Variants in FCHSD2 observed in about 807,000 individuals in gnomAD.
FCHSD2 encodes F-BAR and double SH3 domains protein 2.
In FCHSD2, 38 loss-of-function variants were observed where a neutral mutation model predicts 108.1. The observed-to-expected ratio is 0.35, with a 90% CI of 0.27 to 0.46. The LOEUF is 0.46. FCHSD2 is among the 20% of genes least tolerant of loss of function. The pLI, the probability that FCHSD2 is intolerant of heterozygous loss-of-function variation, is 1.00. For synonymous variants in FCHSD2, 279 were observed against 314.7 expected, an observed-to-expected ratio of 0.89 and a Z score of 1.20; for missense variants, 751 against 897.8, an observed-to-expected ratio of 0.84 and a Z score of 2.09.
At chr11:73,002,914 A>G (rs187367473) in intron 4 of FCHSD2, among the ~76,000 whole-genome samples, 3 of 152,346 alleles carry the variant, frequency 2.0e-5, no homozygotes, top group Non-Finnish European at 4.4e-5. Context: ...CTATAGTGAA[A>G]GCTCCATGAA....
chr11:72,904,817 T>G (rs1274364915), intron 9 of FCHSD2, among the ~76,000 whole-genome samples: 1 of 152,222 alleles, frequency 6.6e-6, no homozygotes, highest in Non-Finnish European at 1.5e-5. Context: ...TCCTCCCTCT[T>G]GCAATTTAAT....
chr11:72,896,045 T>C (rs1452511582), intron 10 of FCHSD2, among the ~76,000 whole-genome samples: 3 of 152,206 alleles, frequency 2.0e-5, no homozygotes, highest in Non-Finnish European at 2.9e-5. Flanking sequence ...TTTTAATAGA[T>C]GCATAAATCA....
intron 3 of FCHSD2, among the ~76,000 whole-genome samples, chr11:73,039,873 TC>T (rs1858592089): frequency 6.6e-6 from 1 of 152,104 alleles, no homozygotes; most frequent in Non-Finnish European, 1.5e-5. Context: ...CGAATGCAAA[TC>T]ATTTTGAAGT....
intron 2 of FCHSD2, among the ~76,000 whole-genome samples, chr11:73,122,430 T>C (rs1256807414): frequency 6.6e-6 from 1 of 152,196 alleles, no homozygotes; most frequent in Non-Finnish European, 1.5e-5. Context: ...ATCCCCTCAG[T>C]GGCAGACTGC....
At chr11:73,086,157 C>T (rs189590133) in intron 2 of FCHSD2, among the ~76,000 whole-genome samples, 51 of 152,314 alleles carry the variant, frequency 3.3e-4, no homozygotes, top group Non-Finnish European at 5.7e-4. Flanking sequence ...CCTGTAATCC[C>T]AGCACTTTTG....
intron 8 of FCHSD2, among the ~76,000 whole-genome samples, chr11:72,961,219 C>T (rs966269677): frequency 6.6e-6 from 1 of 152,014 alleles, no homozygotes; most frequent in African/African-American, 2.4e-5. Flanking sequence ...AATTGTATTT[C>T]TCTGTATTTA....
At chr11:73,005,922 TTA>T (rs1555072812) in intron 4 of FCHSD2, among the ~76,000 whole-genome samples, 3 of 150,288 alleles carry the variant, frequency 2.0e-5, no homozygotes, top group African/African-American at 7.4e-5. Flanking sequence ...TTTTTTTTTT[TTA>T]AAGAGGCAGG....
At chr11:72,992,823 A>AAT (rs957901048) in intron 5 of FCHSD2, among the ~76,000 whole-genome samples, 39 of 150,782 alleles carry the variant, frequency 2.6e-4, no homozygotes, top group Non-Finnish European at 5.5e-4. Flanking sequence ...AAAGCTAGGC[A>AAT]ATACCATTCA....
intron 3 of FCHSD2, among the ~76,000 whole-genome samples, chr11:73,016,252 G>T (rs1048871902): frequency 1.3e-5 from 2 of 150,642 alleles, no homozygotes; most frequent in Non-Finnish European, 2.9e-5. Flanking sequence ...GCAGTGAGCC[G>T]AGACTGGGCC....
chr11:72,929,185 G>A (rs1364372293), intron 8 of FCHSD2, among the ~76,000 whole-genome samples: 1 of 152,164 alleles, frequency 6.6e-6, no homozygotes. Context: ...ATAAACATAC[G>A]TGTGCGTGTG....
intron 8 of FCHSD2, among the ~76,000 whole-genome samples, chr11:72,944,350 C>T (rs992633325): frequency 5.3e-5 from 8 of 152,110 alleles, no homozygotes; most frequent in Admixed American, 2.6e-4. Flanking sequence ...AATTCAACAA[C>T]GCTTCATTCT....
chr11:72,891,684 T>G (rs971622836), intron 10 of FCHSD2, among the ~76,000 whole-genome samples: 1 of 152,240 alleles, frequency 6.6e-6, no homozygotes, highest in African/African-American at 2.4e-5. Context: ...GAATAGGTTT[T>G]TGAGTCAGAT....
chr11:72,871,819 T>C (rs979406144), intron 12 of FCHSD2, among the ~76,000 whole-genome samples: 5 of 151,234 alleles, frequency 3.3e-5, no homozygotes, highest in Admixed American at 6.6e-5. Flanking sequence ...CTTGAACTCC[T>C]GAGCTCAAGC....
intron 12 of FCHSD2, among the ~76,000 whole-genome samples, chr11:72,870,226 C>T (rs1412837721): frequency 2.6e-5 from 4 of 152,044 alleles, no homozygotes; most frequent in Admixed American, 2.0e-4. Context: ...ATTCCTTTTT[C>T]TCTGCTCCTA....
At chr11:73,051,700 T>G (rs1256496841) in intron 3 of FCHSD2, among the ~76,000 whole-genome samples, 1 of 152,084 alleles carries the variant, frequency 6.6e-6, no homozygotes, top group East Asian at 1.9e-4. Flanking sequence ...AAAACCTAAG[T>G]AGTATTTATG....
At chr11:72,881,815 G>A (rs1381883101) in intron 12 of FCHSD2, among the ~76,000 whole-genome samples, 3 of 152,210 alleles carry the variant, frequency 2.0e-5, no homozygotes, top group African/African-American at 7.2e-5. Context: ...ACTCATGTGT[G>A]GGAGCTAAAA....
intron 8 of FCHSD2, 129 bp from the exon 9 acceptor site, chr11:72,922,079 A>G: frequency 1.6e-6 from 1 of 609,076 alleles, no homozygotes; most frequent in Non-Finnish European, 2.8e-6. Context: ...GACAAAAGAT[A>G]CAGATTGTAA....
chr11:72,930,188 T>C (rs1219028835), intron 8 of FCHSD2, among the ~76,000 whole-genome samples: 1 of 152,188 alleles, frequency 6.6e-6, no homozygotes, highest in African/African-American at 2.4e-5. Context: ...AATGTAATTC[T>C]CTGCAAGCCC....
intron 13 of FCHSD2, among the ~76,000 whole-genome samples, chr11:72,864,347 T>G (rs1854671795): frequency 3.9e-5 from 6 of 152,072 alleles, no homozygotes; most frequent in Admixed American, 3.9e-4. Context: ...GACTGCTTGA[T>G]CCTAGGAGTT....
Sources: gnomAD v4.1 joint callset for allele counts (sites outside exome capture counted in the v4.1 genomes callset) on GRCh38, gnomAD v4.1.1 for gene constraint, MANE v1.5 for transcripts, NCBI Gene and HGNC (gene_info 2026-07-23, HGNC 2026-07-21) for gene names.